GMDS: variants seen among roughly 807,000 people sequenced by gnomAD.
GMDS encodes the protein GDP-mannose 4,6 dehydratase.
Under a neutral mutation model 49.9 loss-of-function variants are expected in GMDS, and 20 were observed. The observed-to-expected ratio is 0.40, with a 90% CI of 0.28 to 0.58. GMDS has a LOEUF of 0.58. Ranked by LOEUF, GMDS falls within the 20% of genes least tolerant of loss-of-function variation. The pLI, the probability that GMDS is intolerant of heterozygous loss-of-function variation, is 0.42. For synonymous variants in GMDS, 177 were observed against 178.6 expected, an observed-to-expected ratio of 0.99 and a Z score of 0.07; for missense variants, 362 against 481.4, an observed-to-expected ratio of 0.75 and a Z score of 2.32.
intron 1 of GMDS, among the ~76,000 whole-genome samples, chr6:2,140,157 G>A (rs566949455): frequency 1.6e-4 from 25 of 152,224 alleles, no homozygotes; most frequent in African/African-American, 5.8e-4. Context: ...ACCTTGCGTT[G>A]GGGAGACTGG....
At chr6:1,741,551 C>T (rs912426289) in intron 8 of GMDS, among the ~76,000 whole-genome samples, 1 of 152,008 alleles carries the variant, frequency 6.6e-6, no homozygotes, top group Admixed American at 6.6e-5. Context: ...TGGTTCATGC[C>T]TGTAATCCCA....
At chr6:1,886,466 A>G (rs1268789373) in intron 7 of GMDS, among the ~76,000 whole-genome samples, 2 of 152,202 alleles carry the variant, frequency 1.3e-5, no homozygotes, top group African/African-American at 4.8e-5. Flanking sequence ...GGGGCCTATA[A>G]ATCTAATAGT....
intron 1 of GMDS, among the ~76,000 whole-genome samples, chr6:2,138,469 T>C (rs1366606199): frequency 6.6e-6 from 1 of 152,206 alleles, no homozygotes; most frequent in Non-Finnish European, 1.5e-5. Context: ...TACAGGCTCA[T>C]ACTCTGTTAA....
chr6:1,694,320 C>T (rs1765267853), intron 9 of GMDS, among the ~76,000 whole-genome samples: 1 of 152,144 alleles, frequency 6.6e-6, no homozygotes, highest in African/African-American at 2.4e-5. Flanking sequence ...AAAAAAGAAA[C>T]AATATGCATA....
intron 4 of GMDS, among the ~76,000 whole-genome samples, chr6:2,035,375 A>T (rs1481390118): frequency 6.6e-6 from 1 of 152,126 alleles, no homozygotes; most frequent in Non-Finnish European, 1.5e-5. Flanking sequence ...TTCAAGGCCA[A>T]CCCAACTCAT....
At chr6:2,057,118 GA>G (rs1430937166) in intron 4 of GMDS, among the ~76,000 whole-genome samples, 3 of 152,174 alleles carry the variant, frequency 2.0e-5, no homozygotes, top group African/African-American at 7.2e-5. Flanking sequence ...GACAAACACT[GA>G]AAGTGCCTGC....
intron 1 of GMDS, among the ~76,000 whole-genome samples, chr6:2,225,396 C>T (rs1007387317): frequency 1.3e-5 from 2 of 152,072 alleles, no homozygotes; most frequent in African/African-American, 4.8e-5. Flanking sequence ...CAGAGGTGCC[C>T]CCTAACTTGC....
intron 4 of GMDS, among the ~76,000 whole-genome samples, chr6:2,009,868 C>T (rs1013444383): frequency 5.9e-5 from 9 of 152,162 alleles, no homozygotes; most frequent in African/African-American, 2.2e-4. Context: ...TTATTTTGAA[C>T]ATAGCCTCAA....
At chr6:1,675,809 C>T (rs113012203) in intron 9 of GMDS, among the ~76,000 whole-genome samples, 49,927 of 150,088 alleles carry the variant, frequency 0.33, 8,701 homozygotes, top group Middle Eastern at 0.48. Flanking sequence ...GCCGAGATCA[C>T]GCCACTGCAC....
At chr6:2,158,245 G>C (rs1425318953) in intron 1 of GMDS, among the ~76,000 whole-genome samples, 1 of 152,058 alleles carries the variant, frequency 6.6e-6, no homozygotes, top group Non-Finnish European at 1.5e-5. Flanking sequence ...ATATATAATA[G>C]TTTAAAAACA....
chr6:1,758,873 C>T (rs538327826), intron 7 of GMDS, among the ~76,000 whole-genome samples: 70 of 152,300 alleles, frequency 4.6e-4, no homozygotes, highest in Middle Eastern at 3.4e-3. Flanking sequence ...GAGTTAGAGA[C>T]CAGCCTTTTC....
intron 7 of GMDS, among the ~76,000 whole-genome samples, chr6:1,926,183 A>T (rs1171073589): frequency 1.3e-5 from 2 of 152,236 alleles, no homozygotes; most frequent in African/African-American, 4.8e-5. Flanking sequence ...TTCTTCCAGT[A>T]TACCAAAGCA....
chr6:2,214,039 A>G (rs1780199769), intron 1 of GMDS, among the ~76,000 whole-genome samples: 2 of 152,224 alleles, frequency 1.3e-5, no homozygotes, highest in African/African-American at 4.8e-5. Context: ...CATACCAGAA[A>G]GCAATGAAGC....
chr6:1,830,066 C>CT (rs1771289997), intron 7 of GMDS, among the ~76,000 whole-genome samples: 1 of 152,024 alleles, frequency 6.6e-6, no homozygotes, highest in African/African-American at 2.4e-5. Flanking sequence ...ACACTAGTGG[C>CT]TTTTTTATTT....
At chr6:2,221,550 G>A (rs756057969) in intron 1 of GMDS, among the ~76,000 whole-genome samples, 3 of 151,982 alleles carry the variant, frequency 2.0e-5, no homozygotes, top group Non-Finnish European at 2.9e-5. Flanking sequence ...CACCACGACC[G>A]GCTAATTTTT....
intron 9 of GMDS, among the ~76,000 whole-genome samples, chr6:1,674,560 C>CTTTTTTTTTTTTTTTTT (rs869292549): frequency 4.1e-5 from 3 of 73,438 alleles, no homozygotes; most frequent in Non-Finnish European, 6.8e-5. Flanking sequence ...CTCTCTCTCT[C>CTTTTTTTTTTTTTTTTT]TTTTTTTTTT....
At chr6:2,206,441 C>T (rs1347149223) in intron 1 of GMDS, among the ~76,000 whole-genome samples, 1 of 152,146 alleles carries the variant, frequency 6.6e-6, no homozygotes, top group Non-Finnish European at 1.5e-5. Flanking sequence ...CTTCATAGGT[C>T]TACTTGTCTC....
At chr6:1,987,021 G>A (rs1246561878) in intron 4 of GMDS, among the ~76,000 whole-genome samples, 1 of 152,170 alleles carries the variant, frequency 6.6e-6, no homozygotes, top group Admixed American at 6.6e-5. Flanking sequence ...AAGAGGTTTT[G>A]TTGTTTGAGG....
intron 4 of GMDS, among the ~76,000 whole-genome samples, chr6:2,048,278 T>C (rs1186062753): frequency 6.6e-6 from 1 of 152,258 alleles, no homozygotes; most frequent in Non-Finnish European, 1.5e-5. Context: ...ATAATCCATG[T>C]AGAAATGTTA....
Sources: gnomAD v4.1 joint callset for allele counts (sites outside exome capture counted in the v4.1 genomes callset) on GRCh38, gnomAD v4.1.1 for gene constraint, MANE v1.5 for transcripts, NCBI Gene and HGNC (gene_info 2026-07-23, HGNC 2026-07-21) for gene names.